Variants in ENOX1 observed in about 807,000 individuals in gnomAD.
ENOX1 encodes the protein candidate growth-related and time keeping constitutive hydroquinone (NADH) oxidase.
In ENOX1, 42 loss-of-function variants were observed where a neutral mutation model predicts 82.5. The ratio of observed to expected loss-of-function variants is 0.51; its 90% CI spans 0.40 to 0.66. The LOEUF (loss-of-function observed/expected upper bound fraction) is 0.66, where lower values mean the gene tolerates loss of function less well. Among genes scored for constraint, ENOX1 ranks in the 30% least tolerant of loss-of-function variants. The pLI is 0.00. For synonymous variants in ENOX1, 271 were observed against 282.2 expected, an observed-to-expected ratio of 0.96 and a Z score of 0.40; for missense variants, 608 against 811.6, an observed-to-expected ratio of 0.75 and a Z score of 3.05.
intron 1 of ENOX1, among the ~76,000 whole-genome samples, chr13:43,704,684 C>G (rs1307437177): frequency 6.6e-6 from 1 of 152,156 alleles, no homozygotes; most frequent in Non-Finnish European, 1.5e-5. Context: ...GCATTTAAAT[C>G]CTTGGCTGAT....
intron 2 of ENOX1, among the ~76,000 whole-genome samples, chr13:43,495,748 C>G (rs1403795547): frequency 2.9e-5 from 4 of 136,326 alleles, no homozygotes; most frequent in Non-Finnish European, 6.7e-5. Context: ...TTATAAGGAA[C>G]CACTAGTTTT....
chr13:43,238,308 T>C (rs2042648863), intron 14 of ENOX1, among the ~76,000 whole-genome samples: 1 of 151,990 alleles, frequency 6.6e-6, no homozygotes, highest in Admixed American at 6.6e-5. Flanking sequence ...ATAGAACAAA[T>C]CCAAAGGCTT....
intron 1 of ENOX1, among the ~76,000 whole-genome samples, chr13:43,690,794 C>T (rs1322402462): frequency 6.6e-6 from 1 of 152,114 alleles, no homozygotes; most frequent in East Asian, 1.9e-4. Context: ...AGAAATTTAG[C>T]TGGTGATGCA....
intron 9 of ENOX1, among the ~76,000 whole-genome samples, chr13:43,340,634 T>C (rs993038747): frequency 6.6e-6 from 1 of 152,230 alleles, no homozygotes; most frequent in African/African-American, 2.4e-5. Flanking sequence ...TTTGGTAAAG[T>C]GTGGCAATTT....
chr13:43,650,216 G>A (rs2084093586), intron 2 of ENOX1, among the ~76,000 whole-genome samples: 1 of 152,192 alleles, frequency 6.6e-6, no homozygotes, highest in African/African-American at 2.4e-5. Flanking sequence ...ACCAGTTCTT[G>A]GCAGGGGCTG....
chr13:43,261,381 C>G (rs1227896844), intron 14 of ENOX1, among the ~76,000 whole-genome samples: 4 of 152,120 alleles, frequency 2.6e-5, no homozygotes, highest in African/African-American at 9.7e-5. Context: ...TTTGAAGCTC[C>G]CTGTCAGACT....
At chr13:43,506,193 C>A (rs1054159530) in intron 2 of ENOX1, among the ~76,000 whole-genome samples, 5 of 151,986 alleles carry the variant, frequency 3.3e-5, no homozygotes, top group African/African-American at 4.8e-5. Flanking sequence ...CATGATGCCT[C>A]CAGCTTTGTT....
rs60810191 is a variant in ENOX1, at chr13:43,702,953, CAAAAAAAAAA to C, written c.-284-35419_-284-35410del. ...GGGCAACAAGAGTGAGACTCTGTCT[CAAAAAAAAAA>C]AAAAAAAAAAAAAAAAAAAAGTTTG... On this transcript the variant is annotated intron_variant, in intron 1 of 16. Coordinates refer to ENST00000690772, the MANE Select transcript of ENOX1 (RefSeq NM_001347969.2). 2.1e-3 allele frequency among the ~76,000 whole-genome samples: 105 copies of C among 51,032 alleles called. 1 individual carries two copies. In the Middle Eastern group the frequency reaches 0.062, roughly 30 times the overall value. 33.5% of individuals were successfully genotyped at this position (51,032 alleles called of 152,430 possible). A position where few individuals can be genotyped will look rare whatever the true frequency, so the allele number is the denominator to read the frequency against.
chr13:43,321,776 T>G (rs1566507536), intron 11 of ENOX1, among the ~76,000 whole-genome samples: 1 of 152,218 alleles, frequency 6.6e-6, no homozygotes, highest in Non-Finnish European at 1.5e-5. Context: ...CCCTTGCCTG[T>G]TTTTACAATA....
intron 2 of ENOX1, among the ~76,000 whole-genome samples, chr13:43,533,744 T>C (rs1261777962): frequency 3.3e-5 from 5 of 152,166 alleles, no homozygotes; most frequent in African/African-American, 4.8e-5. Flanking sequence ...AAATTAAATA[T>C]ATACAGAGTT....
chr13:43,619,491 T>G (rs2082632426), intron 2 of ENOX1, among the ~76,000 whole-genome samples: 1 of 152,144 alleles, frequency 6.6e-6, no homozygotes, highest in Non-Finnish European at 1.5e-5. Context: ...TGCTTTTTTT[T>G]GCATCTATTT....
At position 43,691,698 on chromosome 13, in the gene ENOX1, C is replaced by CT. The variant is rs567406882; in HGVS notation, c.-284-24155dup. Reference sequence around the variant, plus strand: ...GGATAATCTCCTGGAAGCCCACAGACTTTTTTTTTTTTTTTTTTCCGAGAC... The same window carrying CT: ...GGATAATCTCCTGGAAGCCCACAGACTTTTTTTTTTTTTTTTTTTCCGAGAC... On this transcript the variant is annotated intron_variant, in intron 1 of 16. Transcript: ENST00000690772. 9.2e-3 allele frequency among the ~76,000 whole-genome samples: 1,253 copies of CT among 135,676 alleles called. 7 individuals are homozygous for CT. Among genetic ancestry groups the CT allele is most frequent in the South Asian group, 0.018 (73 of 4,150 alleles). The allele number at this position is 135,676 out of a possible 152,430, so 89.0% of individuals were successfully genotyped here.
intron 1 of ENOX1, among the ~76,000 whole-genome samples, chr13:43,730,442 C>T (rs150607236): frequency 8.5e-4 from 129 of 152,238 alleles, no homozygotes; most frequent in African/African-American, 2.8e-3. Context: ...AACCTACATC[C>T]GATCACTCTC....
In ENOX1 at chr13:43,231,387, A is replaced by G. The variant is rs377111891; in HGVS notation, c.1714+5249T>C. 2.2e-4 allele frequency among the ~76,000 whole-genome samples: 34 copies of G among 152,232 alleles called. 1 individual carries two copies. In the South Asian group the frequency reaches 7.1e-3, roughly 32 times the overall value. ...AGAAACTGTAGGAAACCGATCAAAC[A>G]CTTGTGGTTTGGGCTGATGCTTCTC... On this transcript the variant is annotated intron_variant, in intron 15 of 16. Coordinates refer to ENST00000690772, the MANE Select transcript of ENOX1 (RefSeq NM_001347969.2).
chr13:43,276,486 A>T (rs2045041478), intron 12 of ENOX1, among the ~76,000 whole-genome samples: 1 of 151,990 alleles, frequency 6.6e-6, no homozygotes, highest in Non-Finnish European at 1.5e-5. Flanking sequence ...ACCGCCCCAC[A>T]GCTTACTGTG....
chr13:43,236,628 T>A lies in ENOX1; in HGVS notation c.1714+8A>T. ...AGAGAACAGATGAAGAAAACAGAAT[T>A]TCCTTACCTATTAGCAGAGCTTCTT... On this transcript the variant is annotated splice_region_variant and intron_variant, in intron 15 of 16. Transcript: ENST00000690772. The A allele has an allele frequency of 6.5e-7, 1 of 1,529,208 alleles. No individual in the cohort carries two copies. The highest frequency in any genetic ancestry group is 1.2e-5 in the South Asian group (1 of 80,456). The allele number at this position is 1,529,208 out of a possible 1,614,324, so 94.7% of individuals were successfully genotyped here.
At chr13:43,473,552 T>C (rs1332181903) in intron 3 of ENOX1, among the ~76,000 whole-genome samples, 4 of 152,180 alleles carry the variant, frequency 2.6e-5, no homozygotes, top group Non-Finnish European at 4.4e-5. Context: ...ACTTCAAAAA[T>C]GTCCTTTTCA....
At chr13:43,736,066 CTCAG>C (rs2089613669) in intron 1 of ENOX1, among the ~76,000 whole-genome samples, 1 of 152,140 alleles carries the variant, frequency 6.6e-6, no homozygotes, top group Non-Finnish European at 1.5e-5. Context: ...CCACTTTGCA[CTCAG>C]TCAGCTTGGT....
intron 2 of ENOX1, among the ~76,000 whole-genome samples, chr13:43,534,529 T>C (rs745392309): frequency 9.2e-5 from 14 of 152,176 alleles, no homozygotes; most frequent in Non-Finnish European, 2.1e-4. Flanking sequence ...AATAATGCTA[T>C]CACAGACTGA....
Sources: allele counts gnomAD v4.1 joint callset (sites outside exome capture counted in the v4.1 genomes callset), GRCh38; gene constraint gnomAD v4.1.1; transcripts MANE v1.5; gene names NCBI Gene and HGNC (gene_info 2026-07-23, HGNC 2026-07-21).